WWOX: variants seen among roughly 807,000 people sequenced by gnomAD.
WWOX encodes WW domain-containing oxidoreductase.
Under a neutral mutation model 46.2 loss-of-function variants are expected in WWOX, and 69 were observed. That is an observed-to-expected ratio of 1.49 (90% CI 1.23 to 1.82). The LOEUF (loss-of-function observed/expected upper bound fraction) is 1.82, where lower values mean the gene tolerates loss of function less well. Ranked by LOEUF, WWOX falls within the 40% of genes most tolerant of loss-of-function variation. The pLI, the probability that WWOX is intolerant of heterozygous loss-of-function variation, is 0.00. For missense variants in WWOX, 919 were observed against 542.6 expected, an observed-to-expected ratio of 1.69 and a Z score of -6.89; for synonymous variants, 359 against 202.6, an observed-to-expected ratio of 1.77 and a Z score of -6.56.
At chr16:78,167,819 C>G (rs2035022095) in intron 5 of WWOX, 1 of 152,194 alleles carries the variant, frequency 6.6e-6, no homozygotes, top group Non-Finnish European at 1.5e-5. Flanking sequence ...ATATCATCCC[C>G]CAACTCCTTG....
intron 8 of WWOX, among the ~76,000 whole-genome samples, chr16:79,102,044 G>T (rs1476740125): frequency 8.1e-6 from 1 of 124,044 alleles, no homozygotes; most frequent in Non-Finnish European, 1.7e-5. Flanking sequence ...GGGGGTGGGG[G>T]GCAGGGAGTA....
At chr16:79,048,318 A>G (rs1163051240) in intron 8 of WWOX, among the ~76,000 whole-genome samples, 1 of 152,090 alleles carries the variant, frequency 6.6e-6, no homozygotes, top group Non-Finnish European at 1.5e-5. Context: ...CAGGGGCCCC[A>G]GCCCTCCAGC....
intron 8 of WWOX, among the ~76,000 whole-genome samples, chr16:78,702,128 T>G (rs184433098): frequency 1.0e-5 from 1 of 95,620 alleles, no homozygotes. Context: ...ATATATTTAT[T>G]TATTTTCAAG....
At chr16:78,775,166 T>G (rs529609100) in intron 8 of WWOX, among the ~76,000 whole-genome samples, 2 of 152,292 alleles carry the variant, frequency 1.3e-5, no homozygotes, top group East Asian at 3.9e-4. Context: ...CAATTCCTTT[T>G]GCCTGCCTGG....
chr16:78,232,851 C>CTTTTCT (rs1555506676), intron 5 of WWOX, among the ~76,000 whole-genome samples: 3 of 150,848 alleles, frequency 2.0e-5, no homozygotes, highest in Non-Finnish European at 3.0e-5. Flanking sequence ...CTTTTCTTTT[C>CTTTTCT]TTTTTTTTTA....
In WWOX at chr16:78,999,278, C is replaced by G. The variant is rs140392903; in HGVS notation, c.1057-212330C>G. Among the ~76,000 whole-genome samples, 1,300 of 152,150 alleles carry G rather than the reference C, an allele frequency of 8.5e-3. 18 individuals are homozygous for G. Among genetic ancestry groups the G allele is most frequent in the African/African-American group, 0.029 (1,220 of 41,494 alleles). On this transcript the variant is annotated intron_variant, in intron 8 of 8. Transcript: ENST00000566780. ...CTGAGGTCGGGAGTTCGAGACCAGC[C>G]TGACCAACATGGAGAAACCCCGTCT...
intron 8 of WWOX, among the ~76,000 whole-genome samples, chr16:78,475,432 T>C (rs1206547904): frequency 1.3e-5 from 2 of 152,200 alleles, no homozygotes; most frequent in Non-Finnish European, 2.9e-5. Flanking sequence ...CTTAGTTTTT[T>C]TCCCAGAGTT....
chr16:78,126,607 T>C (rs1366660743), intron 4 of WWOX, among the ~76,000 whole-genome samples: 2 of 152,176 alleles, frequency 1.3e-5, no homozygotes, highest in African/African-American at 2.4e-5. Context: ...ATTTATAAAG[T>C]GTCTATTACT....
At chr16:78,671,578 C>T (rs2047464678) in intron 8 of WWOX, among the ~76,000 whole-genome samples, 1 of 152,142 alleles carries the variant, frequency 6.6e-6, no homozygotes, top group Non-Finnish European at 1.5e-5. Context: ...TCATTAATTG[C>T]CGGTACTCTC....
At chr16:78,948,558 C>A (rs28451323) in intron 8 of WWOX, among the ~76,000 whole-genome samples, 3,866 of 152,174 alleles carry the variant, frequency 0.025, 174 homozygotes, top group African/African-American at 0.087. Context: ...CATGACAGCT[C>A]TGCTTCATGC....
At chr16:78,390,059 A>C (rs13380625) in intron 6 of WWOX, among the ~76,000 whole-genome samples, 36,895 of 152,144 alleles carry the variant, frequency 0.24, 5,759 homozygotes, top group African/African-American at 0.41. Context: ...TTCATTTTAA[A>C]TGTGATAGAA....
At chr16:78,880,300 T>C (rs2044317096) in intron 8 of WWOX, among the ~76,000 whole-genome samples, 2 of 152,352 alleles carry the variant, frequency 1.3e-5, no homozygotes, top group South Asian at 4.1e-4. Flanking sequence ...TTCCATTACT[T>C]CACTCTAATG....
intron 5 of WWOX, among the ~76,000 whole-genome samples, chr16:78,291,772 G>A (rs2079862393): frequency 6.6e-6 from 1 of 152,154 alleles, no homozygotes; most frequent in African/African-American, 2.4e-5. Context: ...TATTTCCAAG[G>A]CCACCAGGGA....
chr16:78,597,701 A>T (rs2045523012), intron 8 of WWOX, among the ~76,000 whole-genome samples: 1 of 151,738 alleles, frequency 6.6e-6, no homozygotes, highest in African/African-American at 2.4e-5. Context: ...CTTCTATAAC[A>T]TAAGTTGATA....
At chr16:78,706,147 A>T (rs910735671) in intron 8 of WWOX, among the ~76,000 whole-genome samples, 1 of 147,320 alleles carries the variant, frequency 6.8e-6, no homozygotes, top group Non-Finnish European at 1.5e-5. Flanking sequence ...TTCTTAATTA[A>T]GGCATTTCCA....
At chr16:78,403,889 G>A (rs1325453375) in intron 6 of WWOX, among the ~76,000 whole-genome samples, 2 of 152,282 alleles carry the variant, frequency 1.3e-5, no homozygotes, top group South Asian at 2.1e-4. Context: ...TCACTTACTT[G>A]CACTGCAGGT....
chr16:78,282,694 A>G (rs1158102863), intron 5 of WWOX, among the ~76,000 whole-genome samples: 1 of 151,888 alleles, frequency 6.6e-6, no homozygotes, highest in African/African-American at 2.4e-5. Context: ...GGCCAATGTG[A>G]TGTGAGACCC....
chr16:78,846,992 G>A (rs74031714), intron 8 of WWOX, among the ~76,000 whole-genome samples: 1,858 of 152,272 alleles, frequency 0.012, 43 homozygotes, highest in African/African-American at 0.042. Context: ...AAATTGTTCC[G>A]GCTTTGGCCC....
At chr16:78,128,271 G>A (rs1029446303) in intron 4 of WWOX, among the ~76,000 whole-genome samples, 2 of 152,082 alleles carry the variant, frequency 1.3e-5, no homozygotes, top group African/African-American at 2.4e-5. Context: ...CCGGATGTCC[G>A]GTAACAGGGT....
Sources: allele counts gnomAD v4.1 joint callset (sites outside exome capture counted in the v4.1 genomes callset), GRCh38; gene constraint gnomAD v4.1.1; transcripts MANE v1.5; gene names NCBI Gene and HGNC (gene_info 2026-07-23, HGNC 2026-07-21).